NEBL: variants seen among roughly 807,000 people sequenced by gnomAD.
NEBL encodes the protein LIM and SH3 protein 2.
Under a neutral mutation model 140.2 loss-of-function variants are expected in NEBL, and 122 were observed. The observed-to-expected ratio is 0.87, with a 90% CI of 0.75 to 1.01. The LOEUF is 1.01. Ranked by LOEUF, NEBL falls within the 50% of genes least tolerant of loss-of-function variation. NEBL has a pLI of 0.00. For missense variants in NEBL, 1,365 were observed against 1,231.3 expected (o/e 1.11, Z -1.62); for synonymous variants, 436 against 398.9 (o/e 1.09, Z -1.11).
chr10:21,208,545 A>G (rs1841866548), intron 3 of NEBL, among the ~76,000 whole-genome samples: 1 of 152,172 alleles, frequency 6.6e-6, no homozygotes, highest in African/African-American at 2.4e-5. Flanking sequence ...GGACAGTTTC[A>G]GTGGCTGACA....
intron 3 of NEBL, among the ~76,000 whole-genome samples, chr10:20,998,017 TA>T (rs1183048351): frequency 6.6e-6 from 1 of 152,068 alleles, no homozygotes. Flanking sequence ...TTAAATACAA[TA>T]AAAGGCTATT....
At position 20,812,863 on chromosome 10, in the gene NEBL, T is replaced by C. The variant is rs1838303082; in HGVS notation, c.2424A>G (p.Arg808=). ...TGACCACCTGGGTGTTCTTCCTCAC[T>C]CTCTCTGTCACAGGATCGTCCACGA... ...TPVVDDPVTE[R]VRKNTQVVSD... The change falls in exon 24 of 28, where the codon AGA becomes AGG. Residue 808 remains arginine, a synonymous_variant. Coordinates refer to ENST00000377122, the MANE Select transcript of NEBL (RefSeq NM_006393.3). 6.2e-7 allele frequency: 1 copy of C among 1,613,914 alleles called. No homozygotes were observed. The highest frequency in any genetic ancestry group is 8.5e-7 in the Non-Finnish European group (1 of 1,179,928).
intron 3 of NEBL, 101 bp from the exon 4 acceptor site, chr10:20,888,308 T>A: frequency 1.3e-6 from 1 of 760,418 alleles, no homozygotes; most frequent in Admixed American, 2.6e-5. Context: ...CAAAACAGAA[T>A]TGATTTTAAA....
intron 2 of NEBL, among the ~76,000 whole-genome samples, chr10:21,150,136 G>A (rs1352763371): frequency 1.3e-5 from 2 of 152,100 alleles, no homozygotes; most frequent in Non-Finnish European, 2.9e-5. Context: ...ACTGAAGTAT[G>A]AAATAACGAA....
At chr10:21,139,509 C>A (rs1016799315) in intron 2 of NEBL, among the ~76,000 whole-genome samples, 1 of 152,084 alleles carries the variant, frequency 6.6e-6, no homozygotes, top group Non-Finnish European at 1.5e-5. Context: ...GGGTGTGGAC[C>A]ACTATCTGTT....
At chr10:21,180,024 A>G (rs1409053340) in intron 3 of NEBL, among the ~76,000 whole-genome samples, 1 of 151,962 alleles carries the variant, frequency 6.6e-6, no homozygotes, top group Non-Finnish European at 1.5e-5. Context: ...GTAATCCTAG[A>G]TACTCAGGAA....
At chr10:20,815,805 G>T in intron 21 of NEBL, 88 bp from the exon 22 acceptor site, 1 of 976,594 alleles carries the variant, frequency 1.0e-6, no homozygotes, top group Non-Finnish European at 1.6e-6. Flanking sequence ...GTCTTGCTCT[G>T]TCACCCAGGC....
chr10:21,052,810 G>A (rs571934103), intron 2 of NEBL, among the ~76,000 whole-genome samples: 2 of 152,150 alleles, frequency 1.3e-5, no homozygotes, highest in African/African-American at 4.8e-5. Context: ...CACCGGTGGT[G>A]CATACAGACA....
intron 9 of NEBL, among the ~76,000 whole-genome samples, chr10:20,854,561 C>CTTTTT (rs71390794): frequency 9.3e-6 from 1 of 107,258 alleles, no homozygotes; most frequent in Non-Finnish European, 1.8e-5. Flanking sequence ...TCATATAGTA[C>CTTTTT]TTTTTTTTTT....
intron 2 of NEBL, among the ~76,000 whole-genome samples, chr10:21,057,206 G>C (rs1360863227): frequency 6.6e-6 from 1 of 151,940 alleles, no homozygotes; most frequent in Admixed American, 6.6e-5. Context: ...AGGTTATATG[G>C]GGTTTCAGAG....
intron 17 of NEBL, among the ~76,000 whole-genome samples, chr10:20,828,320 A>T (rs1044233463): frequency 2.0e-5 from 3 of 152,262 alleles, no homozygotes; most frequent in African/African-American, 7.2e-5. Context: ...CCGAAGAGGA[A>T]ATTTTGAATT....
intron 3 of NEBL, among the ~76,000 whole-genome samples, chr10:21,222,232 G>A (rs991780463): frequency 1.3e-5 from 2 of 151,236 alleles, no homozygotes; most frequent in Non-Finnish European, 2.9e-5. Flanking sequence ...AATCGCTTAA[G>A]CCCAGGAGTT....
upstream of NEBL, among the ~76,000 whole-genome samples, chr10:20,899,183 A>G (rs990954730): frequency 6.6e-6 from 1 of 152,192 alleles, no homozygotes; most frequent in Non-Finnish European, 1.5e-5. Context: ...AGACTATTCT[A>G]ATATTCTATA....
rs71392181 is a variant in NEBL at position 21,288,820 on chromosome 10, G to GTATATATATATATATA, written n.182+3994_182+4009dup. Among the ~76,000 whole-genome samples, 139 of 34,860 alleles carry GTATATATATATATATA rather than the reference G, an allele frequency of 4.0e-3. 1 individual carries two copies. Among genetic ancestry groups the GTATATATATATATATA allele is most frequent in the East Asian group, 9.9e-3 (4 of 404 alleles). The allele number at this position is 34,860 out of a possible 152,430, so 22.9% of individuals were successfully genotyped here. A position where few individuals can be genotyped will look rare whatever the true frequency, so the allele number is the denominator to read the frequency against. ...TCTGACAATATATACGTGTGTGTGTGTATATATATATATATATATATATAT... is the reference window on the plus strand; with the variant it reads ...TCTGACAATATATACGTGTGTGTGTGTATATATATATATATATATATATATATATATATATATATAT... On this transcript the variant is annotated intron_variant and non_coding_transcript_variant, in intron 1 of 8. Coordinates refer to the NEBL transcript ENST00000675702.
chr10:20,908,513 T>C (rs1242069611), intron 4 of NEBL, among the ~76,000 whole-genome samples: 6 of 152,222 alleles, frequency 3.9e-5, no homozygotes, highest in Non-Finnish European at 8.8e-5. Context: ...ATCCTTGATC[T>C]AGCAGGAACC....
chr10:21,076,882 G>A (rs1047010480), intron 2 of NEBL, among the ~76,000 whole-genome samples: 8 of 152,152 alleles, frequency 5.3e-5, no homozygotes, highest in Non-Finnish European at 1.0e-4. Flanking sequence ...CAAATGGCCA[G>A]AGACAGAAAG....
chr10:21,156,156 A>G (rs1415314474), intron 2 of NEBL, among the ~76,000 whole-genome samples: 2 of 152,230 alleles, frequency 1.3e-5, no homozygotes, highest in African/African-American at 4.8e-5. Context: ...GCATTCATTT[A>G]TTGGGGGACA....
At chr10:21,288,849 T>TATATATATATATATATA (rs1216184030) in intron 1 of NEBL, among the ~76,000 whole-genome samples, 3 of 88,876 alleles carry the variant, frequency 3.4e-5, no homozygotes, top group African/African-American at 1.5e-4. Context: ...TATATATATA[T>TATATATATATATATATA]AAAAATTTTT....
intron 1 of NEBL, among the ~76,000 whole-genome samples, chr10:21,259,123 T>A (rs76506680): frequency 6.6e-6 from 1 of 151,746 alleles, no homozygotes; most frequent in South Asian, 2.1e-4. Flanking sequence ...AGTCTCTCTC[T>A]GTCACCCAGG....
Sources: gnomAD v4.1 joint callset for allele counts (sites outside exome capture counted in the v4.1 genomes callset) on GRCh38, gnomAD v4.1.1 for gene constraint, MANE v1.5 for transcripts, NCBI Gene and HGNC (gene_info 2026-07-23, HGNC 2026-07-21) for gene names.